Variants in FAM222A observed in about 807,000 individuals in gnomAD.
FAM222A encodes protein FAM222A.
FAM222A carries 7 observed loss-of-function variants against 25.8 expected under a neutral mutation model. The ratio of observed to expected loss-of-function variants is 0.27; its 90% CI spans 0.15 to 0.51. The LOEUF is 0.51. Ranked by LOEUF, FAM222A falls within the 20% of genes least tolerant of loss-of-function variation. The pLI is 0.97. For synonymous variants in FAM222A, 294 were observed against 298.8 expected (o/e 0.98, Z 0.17); for missense variants, 573 against 640.5 (o/e 0.89, Z 1.14).
chr12:109,768,475 C>G lies in FAM222A; in HGVS notation c.546C>G (p.Ile182Met), dbSNP rs1555203091. Residue 182 changes from isoleucine (I) to methionine (M), a missense_variant, in exon 3 of 3, where the codon ATC becomes ATG. Physicochemically the swap from Ile to Met is conservative, Grantham distance 10 (BLOSUM62 1). This residue lies in a region of FAM222A where 412 missense variants were observed against 407.0 expected (regional missense o/e 1.01). Transcript: ENST00000538780. The stretch of plus-strand genomic sequence containing the variant: ...CAGCCGCCACTGCCGCCTCCGTCAT[C>G]CCCCTGCCGGGCCGGGGCCTGCCCC... ...LPAAATAASVIPLPGRGLPLP... is the reference protein window; with the variant it reads ...LPAAATAASVMPLPGRGLPLP... 6.2e-7 allele frequency: 1 copy of G among 1,603,544 alleles called. No homozygotes were observed. Among genetic ancestry groups the G allele is most frequent in the Non-Finnish European group, 8.5e-7 (1 of 1,178,954 alleles).
intron 2 of FAM222A, among the ~76,000 whole-genome samples, chr12:109,759,229 G>A (rs149067150): frequency 2.0e-5 from 3 of 152,320 alleles, no homozygotes; most frequent in Non-Finnish European, 2.9e-5. Flanking sequence ...TCTGTCAAAT[G>A]GGGGCAGCCC....
chr12:109,747,283 C>T (rs746253607), intron 2 of FAM222A, among the ~76,000 whole-genome samples: 13 of 152,196 alleles, frequency 8.5e-5, no homozygotes, highest in East Asian at 1.9e-4. Context: ...TTAGTGGAGA[C>T]GGGGTTTCAC....
chr12:109,743,198 C>A (rs1372112939), intron 1 of FAM222A, among the ~76,000 whole-genome samples: 2 of 152,196 alleles, frequency 1.3e-5, no homozygotes, highest in African/African-American at 4.8e-5. Context: ...CCCACCGCCA[C>A]CCTCCCATTG....
rs1367197174 is a variant in FAM222A at position 109,769,182 on chromosome 12, C to T, written c.1253C>T (p.Pro418Leu). 1.9e-6 allele frequency: 3 copies of T among 1,612,490 alleles called. No homozygotes were observed. The highest frequency in any genetic ancestry group is 1.7e-6 in the Non-Finnish European group (2 of 1,179,818). ...SLEYLINDIR[P>L]PCIKEQMLGK... ...GAGTATCTCATCAACGACATCCGGC[C>T]GCCCTGCATCAAGGAGCAGATGCTG... is the stretch of plus-strand genomic sequence containing the variant. Residue 418 changes from proline to leucine, a missense_variant, in exon 3 of 3, where the codon CCG (proline) becomes CTG (leucine). Coordinates refer to ENST00000538780, the MANE Select transcript of FAM222A (RefSeq NM_032829.3).
chr12:109,769,112 A>G lies in FAM222A; in HGVS notation c.1183A>G (p.Ser395Gly), dbSNP rs756389699. ...TGCCCTCTCGGGCCTGCCCAGCAAG[A>G]GTGTGTGCAACACATCGGTGCTGAG... ...ADALSGLPSK[S>G]VCNTSVLSSS... Residue 395 changes from serine to glycine, a missense_variant, in exon 3 of 3, where the codon AGT (serine) becomes GGT (glycine). By Grantham distance (56) the Ser-to-Gly change is moderately conservative. Transcript: ENST00000538780. The G allele has an allele frequency of 6.2e-7, 1 of 1,611,474 alleles. No individual in the cohort carries two copies. Among genetic ancestry groups the G allele is most frequent in the South Asian group, 1.1e-5 (1 of 90,802 alleles).
intron 2 of FAM222A, among the ~76,000 whole-genome samples, chr12:109,765,100 AGCTCATTTGCCTAG>A (rs1889005474): frequency 6.6e-6 from 1 of 152,184 alleles, no homozygotes; most frequent in Non-Finnish European, 1.5e-5. Context: ...AGCCCACTGA[AGCTCATTTGCCTAG>A]GCTCATAGGC....
intron 1 of FAM222A, among the ~76,000 whole-genome samples, chr12:109,736,300 T>C (rs753078664): frequency 6.6e-6 from 1 of 152,244 alleles, no homozygotes; most frequent in Non-Finnish European, 1.5e-5. Context: ...TACTTACCTG[T>C]TGATAGCGAC....
intron 1 of FAM222A, among the ~76,000 whole-genome samples, chr12:109,743,800 G>A (rs1888311260): frequency 6.6e-6 from 1 of 152,174 alleles, no homozygotes; most frequent in African/African-American, 2.4e-5. Flanking sequence ...CACCCAGTTG[G>A]GGGCATCAGG....
chr12:109,716,566 A>C (rs920812772), intron 1 of FAM222A, among the ~76,000 whole-genome samples: 2 of 152,138 alleles, frequency 1.3e-5, no homozygotes, highest in African/African-American at 4.8e-5. Flanking sequence ...GCTTCCAAGG[A>C]CAGAGGAGCA....
At chr12:109,720,759 G>A (rs562186716) in intron 1 of FAM222A, among the ~76,000 whole-genome samples, 8 of 152,344 alleles carry the variant, frequency 5.3e-5, no homozygotes, top group Middle Eastern at 3.4e-3. Flanking sequence ...TGTACCTACC[G>A]AGGGAGAGGC....
At position 109,769,245 on chromosome 12, in the gene FAM222A, T is replaced by C; in HGVS notation, c.1316T>C (p.Leu439Pro). ...GAGACGGTGGCCGTGCCCCGGCTACTCGACCACCAGCATGCCCACATCCGC... is the reference window on the plus strand; with the variant it reads ...GAGACGGTGGCCGTGCCCCGGCTACCCGACCACCAGCATGCCCACATCCGC... ...GYETVAVPRL[L>P]DHQHAHIRLP... The change falls in exon 3 of 3, where the codon CTC becomes CCC. Residue 439 changes from leucine (L) to proline (P), a missense_variant. Leu to Pro is a moderately conservative substitution (Grantham distance 98, BLOSUM62 -3). This residue lies in a region of FAM222A where 49 missense variants were observed against 78.9 expected (regional missense o/e 0.62). Transcript: ENST00000538780. The C allele has an allele frequency of 1.2e-6, 2 of 1,611,656 alleles. No homozygotes were observed. Among genetic ancestry groups the C allele is most frequent in the Non-Finnish European group, 1.7e-6 (2 of 1,179,576 alleles).
intron 2 of FAM222A, among the ~76,000 whole-genome samples, chr12:109,751,007 T>C (rs1888545276): frequency 6.6e-6 from 1 of 152,178 alleles, no homozygotes; most frequent in Admixed American, 6.5e-5. Flanking sequence ...TATTGTGCCC[T>C]TTCAGTTTGC....
intron 2 of FAM222A, among the ~76,000 whole-genome samples, chr12:109,761,596 G>A (rs2193537): frequency 0.64 from 97,047 of 152,048 alleles, 31,577 homozygotes; most frequent in Middle Eastern, 0.73. Flanking sequence ...CTGCGAGGGT[G>A]TAGTAAGTTA....
intron 1 of FAM222A, among the ~76,000 whole-genome samples, chr12:109,738,933 C>T (rs902179332): frequency 2.0e-5 from 3 of 152,258 alleles, no homozygotes; most frequent in African/African-American, 7.2e-5. Context: ...AACCCCAGTG[C>T]CTGGCCCCTG....
At chr12:109,723,169 G>A (rs994815517) in intron 1 of FAM222A, among the ~76,000 whole-genome samples, 3 of 152,174 alleles carry the variant, frequency 2.0e-5, no homozygotes, top group African/African-American at 7.2e-5. Context: ...GGGGTGGATG[G>A]GAGGGGTGCA....
rs1266373900 is a variant in FAM222A at position 109,769,323 on chromosome 12, G to A, written c.*35G>A. On this transcript the variant is annotated 3_prime_UTR_variant, in exon 3 of 3. Transcript: ENST00000538780. ...TGCGGACATACGGACATGCGGACAGGGCGCAGAGCCGGGAGGCAGGCCGCA... is the reference window on the plus strand; with the variant it reads ...TGCGGACATACGGACATGCGGACAGAGCGCAGAGCCGGGAGGCAGGCCGCA... The A allele has an allele frequency of 1.9e-6, 3 of 1,552,784 alleles. No homozygotes were observed. The East Asian group carries it at 7.2e-5, about 37-fold the overall frequency.
At chr12:109,719,584 C>T (rs557043269) in intron 1 of FAM222A, among the ~76,000 whole-genome samples, 1 of 152,178 alleles carries the variant, frequency 6.6e-6, no homozygotes, top group African/African-American at 2.4e-5. Flanking sequence ...GAGGGAAAAC[C>T]TGCAGCTGGT....
At chr12:109,720,303 G>C (rs549572456) in intron 1 of FAM222A, 1 of 560,222 alleles carries the variant, frequency 1.8e-6, no homozygotes, top group African/African-American at 2.0e-5. Flanking sequence ...ACTTAATGAC[G>C]CAGAACTTAA....
chr12:109,757,845 G>T (rs1194562886), intron 2 of FAM222A, among the ~76,000 whole-genome samples: 1 of 152,186 alleles, frequency 6.6e-6, no homozygotes, highest in African/African-American at 2.4e-5. Flanking sequence ...TCTGGAGAAG[G>T]CGAGAGATGA....
Sources: allele counts gnomAD v4.1 joint callset (sites outside exome capture counted in the v4.1 genomes callset), GRCh38; gene constraint gnomAD v4.1.1; regional missense constraint gnomAD v4.1.1; transcripts MANE v1.5; gene names NCBI Gene and HGNC (gene_info 2026-07-23, HGNC 2026-07-21).